The following SMYD3 variants were observed in gnomAD, a reference collection of about 807,000 sequenced individuals.
The protein encoded by SMYD3 is SET and MYND domain containing 3.
A neutral mutation model predicts 57.7 loss-of-function variants in SMYD3; 36 were observed. The observed-to-expected ratio is 0.62, with a 90% confidence interval of 0.48 to 0.82. The LOEUF (loss-of-function observed/expected upper bound fraction) is 0.82, where lower values mean the gene tolerates loss of function less well. Ranked by LOEUF, SMYD3 falls within the 40% of genes least tolerant of loss-of-function variation. The probability of loss-of-function intolerance (pLI) is 0.00; values close to 1 mark genes in which losing one functional copy is unlikely to be tolerated. For missense variants in SMYD3, 515 were observed against 538.8 expected, an observed-to-expected ratio of 0.96 and a Z score of 0.44; for synonymous variants, 211 against 195.0, an observed-to-expected ratio of 1.08 and a Z score of -0.68.
chr1:245,769,137 G>A (rs2046237633), intron 10 of SMYD3, among the ~76,000 whole-genome samples: 1 of 152,150 alleles, frequency 6.6e-6, no homozygotes, highest in South Asian at 2.1e-4. Flanking sequence ...AACTCCTGGA[G>A]AATTATTGGA....
intron 10 of SMYD3, among the ~76,000 whole-genome samples, chr1:245,851,869 A>T (rs1367374437): frequency 6.6e-6 from 1 of 152,188 alleles, no homozygotes; most frequent in Non-Finnish European, 1.5e-5. Flanking sequence ...GAAACACTAT[A>T]GAGATGTATG....
intron 1 of SMYD3, among the ~76,000 whole-genome samples, chr1:246,356,753 A>C (rs945992299): frequency 1.2e-4 from 18 of 152,192 alleles, no homozygotes; most frequent in Admixed American, 2.6e-4. Flanking sequence ...AAGAAAAAAG[A>C]ATTTTTAAAA....
At chr1:245,855,353 T>C (rs1572519876) in intron 10 of SMYD3, among the ~76,000 whole-genome samples, 1 of 152,046 alleles carries the variant, frequency 6.6e-6, no homozygotes, top group African/African-American at 2.4e-5. Flanking sequence ...CATACAGTGG[T>C]GCTATCAAAG....
At chr1:246,265,361 ACTC>A (rs2064085697) in intron 5 of SMYD3, among the ~76,000 whole-genome samples, 2 of 151,260 alleles carry the variant, frequency 1.3e-5, no homozygotes, top group African/African-American at 4.9e-5. Context: ...CTTGTCTTGA[ACTC>A]CTGACCTCAA....
At chr1:245,758,502 T>G (rs919668369) in intron 11 of SMYD3, among the ~76,000 whole-genome samples, 3 of 152,176 alleles carry the variant, frequency 2.0e-5, no homozygotes, top group Admixed American at 6.5e-5. Flanking sequence ...CAATTTTACT[T>G]TTTCTTCAGT....
chr1:246,443,900 C>CA (rs984606603), intron 1 of SMYD3, among the ~76,000 whole-genome samples: 19 of 152,070 alleles, frequency 1.2e-4, no homozygotes, highest in Admixed American at 7.2e-4. Flanking sequence ...TACTTTCTGT[C>CA]AAAAAATTCA....
intron 5 of SMYD3, chr1:246,322,581 T>C (rs906580150): frequency 6.6e-6 from 1 of 152,230 alleles, no homozygotes. Flanking sequence ...CCTGTGTTCA[T>C]CTGTATATCC....
intron 10 of SMYD3, among the ~76,000 whole-genome samples, chr1:245,835,886 CGACGT>C (rs1341253879): frequency 6.6e-6 from 1 of 152,160 alleles, no homozygotes; most frequent in African/African-American, 2.4e-5. Flanking sequence ...TGTTCTCCGT[CGACGT>C]GACTTGTTAG....
At position 246,374,525 on chromosome 1, in the gene SMYD3, G is replaced by A. The variant is rs559374896; in HGVS notation, c.165-19431C>T. ...TTTGACTGTATAATATGGCCCCTAA[G>A]CACAGTACCACAGTGCTGTCTCGTG... On this transcript the variant is annotated intron_variant, in intron 1 of 11. Coordinates refer to ENST00000490107, the MANE Select transcript of SMYD3 (RefSeq NM_001167740.2). Among the ~76,000 whole-genome samples the A allele has an allele frequency of 2.0e-5, 3 of 152,182 alleles. No individual in the cohort carries two copies. In the East Asian group the frequency reaches 5.8e-4, roughly 29 times the overall value.
chr1:246,202,986 G>A lies in SMYD3; in HGVS notation c.531+124215C>T, dbSNP rs1047290349. On this transcript the variant is annotated intron_variant, in intron 5 of 11. Transcript: ENST00000490107. This position sits in a 1 kb window ranked among gnomAD's most constrained non-coding sequence, Gnocchi z 4.1. ...CTAAAAATACAAAATTTAGCTGGTC[G>A]TGGTGGTGGGCGCCTATAATCCCAG... Among the ~76,000 whole-genome samples the A allele has an allele frequency of 4.6e-5, 7 of 152,084 alleles. No homozygotes were observed. The highest frequency in any genetic ancestry group is 8.8e-5 in the Non-Finnish European group (6 of 68,014).
intron 10 of SMYD3, among the ~76,000 whole-genome samples, chr1:245,798,407 T>TACACACACACACACACACACACACAC (rs1402299710): frequency 6.1e-5 from 1 of 16,304 alleles, no homozygotes; most frequent in Non-Finnish European, 1.3e-4. Flanking sequence ...CACACACACA[T>TACACACACACACACACACACACACAC]ACACACACAT....
intron 5 of SMYD3, among the ~76,000 whole-genome samples, chr1:246,299,794 T>C (rs1380355789): frequency 6.6e-6 from 1 of 151,882 alleles, no homozygotes; most frequent in African/African-American, 2.4e-5. Context: ...TGAGAACACA[T>C]GGACACACGG....
intron 5 of SMYD3, among the ~76,000 whole-genome samples, chr1:246,041,174 T>C (rs564427970): frequency 1.2e-4 from 19 of 152,312 alleles, no homozygotes; most frequent in Admixed American, 1.2e-3. Context: ...CCCAGGTGTA[T>C]AGTGGGCTAT....
At chr1:245,880,087 C>G (rs913209396) in intron 8 of SMYD3, among the ~76,000 whole-genome samples, 1 of 152,212 alleles carries the variant, frequency 6.6e-6, no homozygotes, top group Non-Finnish European at 1.5e-5. Context: ...GCTGTACACG[C>G]CAGAGATAGC....
intron 1 of SMYD3, among the ~76,000 whole-genome samples, chr1:246,358,665 T>C (rs1388935105): frequency 6.6e-6 from 1 of 152,154 alleles, no homozygotes; most frequent in Non-Finnish European, 1.5e-5. Context: ...AAAGGAACCC[T>C]CAAAACCATG....
intron 5 of SMYD3, among the ~76,000 whole-genome samples, chr1:245,954,785 G>A (rs1256465383): frequency 6.6e-6 from 1 of 152,162 alleles, no homozygotes; most frequent in Non-Finnish European, 1.5e-5. Flanking sequence ...CGTTTCCACT[G>A]CAGGTATTTG....
At chr1:246,249,517 TTTG>T (rs201553750) in intron 5 of SMYD3, among the ~76,000 whole-genome samples, 19,193 of 142,416 alleles carry the variant, frequency 0.13, 1,315 homozygotes, top group East Asian at 0.41. Flanking sequence ...ATCCTAGTTT[TTTG>T]TTTTTTTTGT....
intron 5 of SMYD3, among the ~76,000 whole-genome samples, chr1:245,972,125 A>G (rs2058317617): frequency 6.6e-6 from 1 of 152,238 alleles, no homozygotes; most frequent in South Asian, 2.1e-4. Context: ...AGTCCCTGGT[A>G]CAAGACTGTT....
intron 5 of SMYD3, among the ~76,000 whole-genome samples, chr1:246,034,816 G>A (rs930270413): frequency 6.6e-6 from 1 of 152,212 alleles, no homozygotes; most frequent in Admixed American, 6.5e-5. Context: ...GTACTTTGCC[G>A]ACGCTGCAAT....
Sources: gnomAD v4.1 joint callset for allele counts (sites outside exome capture counted in the v4.1 genomes callset) on GRCh38, gnomAD v4.1.1 for gene constraint, Gnocchi (gnomAD v3.1) non-coding constraint, MANE v1.5 for transcripts, NCBI Gene and HGNC (gene_info 2026-07-23, HGNC 2026-07-21) for gene names.